The following ABCA13 variants were observed in gnomAD, a reference collection of about 807,000 sequenced individuals.
ABCA13 encodes ATP-binding cassette sub-family A member 13.
Under a neutral mutation model 478.7 loss-of-function variants are expected in ABCA13, and 476 were observed. The observed-to-expected ratio is 0.99, with a 90% confidence interval of 0.92 to 1.07. The LOEUF (loss-of-function observed/expected upper bound fraction) is 1.07, where lower values mean the gene tolerates loss of function less well. ABCA13 is among the 50% of genes least tolerant of loss of function. The pLI, the probability that ABCA13 is intolerant of heterozygous loss-of-function variation, is 0.00. For synonymous variants in ABCA13, 2,252 were observed against 2,158.9 expected (o/e 1.04, Z -1.20); for missense variants, 6,060 against 5,910.6 (o/e 1.03, Z -0.83).
chr7:48,562,390 T>C (rs1187354181), intron 55 of ABCA13, among the ~76,000 whole-genome samples: 1 of 152,112 alleles, frequency 6.6e-6, no homozygotes, highest in Non-Finnish European at 1.5e-5. Context: ...TGGTTTTGAA[T>C]AATAAATCCG....
chr7:48,274,787 T>C lies in ABCA13; in HGVS notation c.5121T>C (p.Asn1707=). 1 of 1,613,970 alleles carries C rather than the reference T, an allele frequency of 6.2e-7. No homozygotes were observed. The highest frequency in any genetic ancestry group is 1.1e-5 in the South Asian group (1 of 91,080). Residue 1707 remains asparagine, a synonymous_variant, in exon 17 of 62, where the codon AAT becomes AAC. Transcript: ENST00000435803. The part of the protein sequence containing the change: ...SSVGTGNLVV[N]LLVGLMEKFA... The stretch of plus-strand genomic sequence containing the variant: ...TGGGAACTGGCAATTTAGTGGTCAA[T>C]TTGCTTGTTGGCTTGATGGAAAAAT...
At chr7:48,208,470 C>T (rs1785208455) in intron 3 of ABCA13, among the ~76,000 whole-genome samples, 1 of 151,738 alleles carries the variant, frequency 6.6e-6, no homozygotes, top group Admixed American at 6.6e-5. Context: ...TGTGTGTCCT[C>T]TTCAATTTCT....
chr7:48,295,924 G>A, intron 21 of ABCA13, 61 bp downstream of exon 21: 2 of 1,506,396 alleles, frequency 1.3e-6, no homozygotes, highest in Non-Finnish European at 1.8e-6. Flanking sequence ...AGGATGTCTA[G>A]GACTCTTTAA....
At chr7:48,505,968 C>T (rs920785077) in intron 48 of ABCA13, among the ~76,000 whole-genome samples, 4 of 152,144 alleles carry the variant, frequency 2.6e-5, no homozygotes, top group Admixed American at 6.5e-5. Context: ...TGATTCATAT[C>T]AGATAGTCTT....
chr7:48,464,090 G>T (rs1472346400), intron 43 of ABCA13, among the ~76,000 whole-genome samples: 1 of 152,182 alleles, frequency 6.6e-6, no homozygotes, highest in Non-Finnish European at 1.5e-5. Flanking sequence ...CATTTATGAA[G>T]TTCCTCGAGA....
intron 28 of ABCA13, among the ~76,000 whole-genome samples, chr7:48,335,773 C>A (rs766328079): frequency 2.6e-5 from 4 of 152,170 alleles, no homozygotes; most frequent in Non-Finnish European, 5.9e-5. Flanking sequence ...GTAACTTTTT[C>A]TTTAAATTCT....
chr7:48,439,551 GAT>G (rs1257818594), intron 42 of ABCA13, among the ~76,000 whole-genome samples: 3 of 152,190 alleles, frequency 2.0e-5, no homozygotes, highest in Middle Eastern at 3.4e-3. Context: ...TCCCAATTAT[GAT>G]ATATGCAGGA....
chr7:48,267,215 A>T (rs948019799), intron 15 of ABCA13, among the ~76,000 whole-genome samples: 1 of 152,020 alleles, frequency 6.6e-6, no homozygotes, highest in Non-Finnish European at 1.5e-5. Flanking sequence ...GTATTGTACA[A>T]ATCTTCTGTA....
chr7:48,520,756 A>G (rs985154878), intron 53 of ABCA13, among the ~76,000 whole-genome samples: 1 of 152,154 alleles, frequency 6.6e-6, no homozygotes, highest in Non-Finnish European at 1.5e-5. Flanking sequence ...CCTGTGTCCA[A>G]GTGTTCTCAT....
intron 27 of ABCA13, among the ~76,000 whole-genome samples, chr7:48,328,498 T>TC (rs1430032289): frequency 1.3e-5 from 2 of 152,120 alleles, no homozygotes; most frequent in Non-Finnish European, 2.9e-5. Flanking sequence ...AAATAGCAGT[T>TC]CTCTAAGACA....
intron 41 of ABCA13, among the ~76,000 whole-genome samples, chr7:48,415,833 A>T (rs1243513836): frequency 6.6e-6 from 1 of 152,234 alleles, no homozygotes; most frequent in African/African-American, 2.4e-5. Flanking sequence ...CCAATCAATA[A>T]TATCTCCAGG....
At chr7:48,544,026 A>G (rs185003919) in intron 55 of ABCA13, among the ~76,000 whole-genome samples, 22 of 151,898 alleles carry the variant, frequency 1.4e-4, no homozygotes, top group Non-Finnish European at 3.1e-4. Flanking sequence ...TATTGTTCCT[A>G]TATATTTAAC....
At chr7:48,483,192 T>A in intron 47 of ABCA13, 29 bp downstream of exon 47, 1 of 1,561,636 alleles carries the variant, frequency 6.4e-7, no homozygotes, top group Non-Finnish European at 8.7e-7. Context: ...TTTTTTCCTG[T>A]TTTAGAAAGT....
At chr7:48,314,082 G>A (rs1802182606) in intron 25 of ABCA13, 150 bp from the exon 26 acceptor site, 1 of 930,194 alleles carries the variant, frequency 1.1e-6, no homozygotes, top group Non-Finnish European at 1.6e-6. Context: ...GTATCCCAAG[G>A]ACAGAAAACT....
chr7:48,188,280 A>T (rs1796624650), intron 1 of ABCA13, among the ~76,000 whole-genome samples: 1 of 152,160 alleles, frequency 6.6e-6, no homozygotes, highest in East Asian at 1.9e-4. Context: ...CCAGCTTTGG[A>T]TTCTTCTCAC....
At chr7:48,208,621 G>A (rs1165757733) in intron 3 of ABCA13, among the ~76,000 whole-genome samples, 16 of 151,898 alleles carry the variant, frequency 1.1e-4, no homozygotes, top group African/African-American at 3.6e-4. Context: ...CACTGTTAGT[G>A]TATATACATG....
chr7:48,241,532 AC>A (rs1300188942), intron 10 of ABCA13, among the ~76,000 whole-genome samples: 9 of 152,226 alleles, frequency 5.9e-5, no homozygotes, highest in Admixed American at 5.2e-4. Flanking sequence ...AAATGGTGGA[AC>A]TTGTTTCTTC....
chr7:48,541,831 A>G (rs1833963451), intron 55 of ABCA13, among the ~76,000 whole-genome samples: 2 of 150,608 alleles, frequency 1.3e-5, no homozygotes, highest in South Asian at 4.2e-4. Context: ...GCAGGCACAT[A>G]TTTTTATAAT....
intron 23 of ABCA13, among the ~76,000 whole-genome samples, chr7:48,308,590 G>A (rs905814713): frequency 1.3e-5 from 2 of 152,050 alleles, no homozygotes; most frequent in East Asian, 3.9e-4. Flanking sequence ...GTCACTAGAA[G>A]ATAGGAATTT....
Sources: allele counts gnomAD v4.1 joint callset (sites outside exome capture counted in the v4.1 genomes callset), GRCh38; gene constraint gnomAD v4.1.1; transcripts MANE v1.5; gene names NCBI Gene and HGNC (gene_info 2026-07-23, HGNC 2026-07-21).